RIMS1: variants seen among roughly 807,000 people sequenced by gnomAD.
RIMS1 encodes the protein regulating synaptic membrane exocytosis protein 1.
In RIMS1, 83 loss-of-function variants were observed where a neutral mutation model predicts 214.1. That is an observed-to-expected ratio of 0.39 (90% CI 0.32 to 0.47). The LOEUF is 0.47. Among genes scored for constraint, RIMS1 ranks in the 20% least tolerant of loss-of-function variants. The pLI, the probability that RIMS1 is intolerant of heterozygous loss-of-function variation, is 0.99. For synonymous variants in RIMS1, 793 were observed against 786.8 expected, an observed-to-expected ratio of 1.01 and a Z score of -0.13; for missense variants, 2,050 against 2,161.8, an observed-to-expected ratio of 0.95 and a Z score of 1.03.
chr6:72,047,640 A>G (rs566885534), intron 2 of RIMS1, among the ~76,000 whole-genome samples: 2 of 152,274 alleles, frequency 1.3e-5, no homozygotes, highest in South Asian at 4.1e-4. Flanking sequence ...CTCATTGGCA[A>G]TCTGGAATGG....
chr6:71,980,241 G>T (rs1425938825), intron 2 of RIMS1, among the ~76,000 whole-genome samples: 1 of 152,096 alleles, frequency 6.6e-6, no homozygotes, highest in Non-Finnish European at 1.5e-5. Flanking sequence ...ACTGGCTACT[G>T]CACTAGTGTG....
intron 24 of RIMS1, 122 bp downstream of exon 24, chr6:72,284,240 G>C: frequency 1.4e-6 from 1 of 693,998 alleles, no homozygotes; most frequent in South Asian, 2.2e-5. Flanking sequence ...AGGCATTCAT[G>C]TAACTAAACC....
rs141269956 is a variant in RIMS1 at position 72,261,379 on chromosome 6, A to G, written c.3116+612A>G. The stretch of plus-strand genomic sequence containing the variant: ...ACAAACTTTCCCACAAAGGCATATA[A>G]CAGTATGAATGCCTCTTTAGAAGCG... On this transcript the variant is annotated intron_variant, in intron 19 of 33. Coordinates refer to ENST00000521978, the MANE Select transcript of RIMS1 (RefSeq NM_014989.7). 6,220 of 986,672 alleles carry G rather than the reference A, an allele frequency of 6.3e-3. 26 individuals carry two copies. The highest frequency in any genetic ancestry group is 0.018 in the South Asian group (377 of 21,378). 61.1% of individuals were successfully genotyped at this position (986,672 alleles called of 1,614,324 possible).
intron 4 of RIMS1, among the ~76,000 whole-genome samples, chr6:72,163,289 A>T (rs1306514482): frequency 2.2e-5 from 3 of 138,598 alleles, no homozygotes; most frequent in Admixed American, 7.4e-5. Flanking sequence ...CATTTGTCTA[A>T]TTTTTTTTCA....
chr6:72,340,555 T>G (rs538899085), intron 29 of RIMS1, among the ~76,000 whole-genome samples: 1 of 152,268 alleles, frequency 6.6e-6, no homozygotes, highest in South Asian at 2.1e-4. Context: ...CTTTCCCCAT[T>G]TCTTGTTTTT....
intron 2 of RIMS1, among the ~76,000 whole-genome samples, chr6:72,044,130 G>T (rs1358969126): frequency 6.6e-6 from 1 of 151,570 alleles, no homozygotes; most frequent in Admixed American, 6.6e-5. Context: ...TTTCAAATAT[G>T]CTAAAGTAAT....
intron 19 of RIMS1, among the ~76,000 whole-genome samples, chr6:72,264,391 G>A (rs1185012379): frequency 6.6e-6 from 1 of 152,044 alleles, no homozygotes; most frequent in African/African-American, 2.4e-5. Context: ...ACTTCCAAAG[G>A]AAAATTTCCT....
intron 16 of RIMS1, among the ~76,000 whole-genome samples, chr6:72,253,125 G>A (rs1358772493): frequency 6.6e-6 from 1 of 151,988 alleles, no homozygotes; most frequent in African/African-American, 2.4e-5. Flanking sequence ...ATTTTATTTT[G>A]AAAAGATGGG....
intron 2 of RIMS1, among the ~76,000 whole-genome samples, chr6:72,087,891 G>A (rs774569604): frequency 6.6e-6 from 1 of 152,152 alleles, no homozygotes; most frequent in Non-Finnish European, 1.5e-5. Context: ...GGAAACTTTG[G>A]TCAACTTTAA....
chr6:72,207,005 A>G (rs988550328), intron 6 of RIMS1, among the ~76,000 whole-genome samples: 5 of 152,226 alleles, frequency 3.3e-5, no homozygotes, highest in Non-Finnish European at 7.3e-5. Context: ...GTGTATTTAT[A>G]TCTTGACACA....
chr6:72,205,921 A>G (rs2052818921), intron 6 of RIMS1, among the ~76,000 whole-genome samples: 2 of 152,242 alleles, frequency 1.3e-5, no homozygotes, highest in African/African-American at 4.8e-5. Context: ...TATATTTGTG[A>G]TACTTGAGGG....
intron 26 of RIMS1, among the ~76,000 whole-genome samples, chr6:72,297,852 C>T (rs547345999): frequency 2.0e-5 from 3 of 152,068 alleles, no homozygotes; most frequent in East Asian, 1.9e-4. Context: ...TTTAAGCTCA[C>T]GTAACCCAAA....
At chr6:72,038,118 AATATATAT>A (rs70994111) in intron 2 of RIMS1, among the ~76,000 whole-genome samples, 218 of 13,356 alleles carry the variant, frequency 0.016, 1 homozygote, top group African/African-American at 0.03. Flanking sequence ...AAAAAAAAAA[AATATATAT>A]ATATATATAT....
At chr6:72,176,727 G>A (rs779980530) in intron 4 of RIMS1, among the ~76,000 whole-genome samples, 8 of 77,088 alleles carry the variant, frequency 1.0e-4, no homozygotes, top group Non-Finnish European at 1.7e-4. Context: ...TTTACTAAAT[G>A]TTAAAAACAA....
chr6:72,242,734 T>G (rs912755115), intron 10 of RIMS1, among the ~76,000 whole-genome samples: 5 of 151,850 alleles, frequency 3.3e-5, no homozygotes, highest in African/African-American at 1.2e-4. Flanking sequence ...GCAGATATAT[T>G]TAAGTAATTC....
intron 11 of RIMS1, 73 bp from the exon 12 acceptor site, chr6:72,247,942 G>T: frequency 5.4e-6 from 5 of 929,098 alleles, no homozygotes; most frequent in Non-Finnish European, 8.8e-6. Flanking sequence ...TACAAATAAA[G>T]GATGCATTTA....
At chr6:72,306,638 A>T (rs1054645829) in intron 26 of RIMS1, among the ~76,000 whole-genome samples, 6 of 152,196 alleles carry the variant, frequency 3.9e-5, no homozygotes, top group Admixed American at 3.9e-4. Context: ...CAAACTTACG[A>T]ATTTCATTTA....
At chr6:72,239,034 A>G (rs1240295403) in intron 9 of RIMS1, among the ~76,000 whole-genome samples, 1 of 152,104 alleles carries the variant, frequency 6.6e-6, no homozygotes, top group Non-Finnish European at 1.5e-5. Context: ...GTTATTTCTT[A>G]TGAAGGACCA....
At chr6:72,331,936 C>A (rs2096673090) in intron 28 of RIMS1, among the ~76,000 whole-genome samples, 1 of 151,758 alleles carries the variant, frequency 6.6e-6, no homozygotes, top group Non-Finnish European at 1.5e-5. Context: ...TCTCAATTTT[C>A]AATTCACAAT....
Sources: allele counts gnomAD v4.1 joint callset (sites outside exome capture counted in the v4.1 genomes callset), GRCh38; gene constraint gnomAD v4.1.1; transcripts MANE v1.5; gene names NCBI Gene and HGNC (gene_info 2026-07-23, HGNC 2026-07-21).